HYAL4: variants seen among roughly 807,000 people sequenced by gnomAD.
The protein encoded by HYAL4 is hyaluronidase-4.
A neutral mutation model predicts 35.2 loss-of-function variants in HYAL4; 37 were observed. The ratio of observed to expected loss-of-function variants is 1.05; its 90% CI spans 0.81 to 1.38. The LOEUF (loss-of-function observed/expected upper bound fraction) is 1.38. HYAL4 is among the 40% of genes most tolerant of loss of function. The pLI, the probability that HYAL4 is intolerant of heterozygous loss-of-function variation, is 0.00. For synonymous variants in HYAL4, 198 were observed against 203.2 expected, an observed-to-expected ratio of 0.97 and a Z score of 0.22; for missense variants, 572 against 572.4, an observed-to-expected ratio of 1.00 and a Z score of 0.01.
At chr7:123,799,074 G>A in the HYAL4 span, among the ~76,000 whole-genome samples, 1 of 152,170 alleles carries the variant, frequency 6.6e-6, no homozygotes, top group African/African-American at 2.4e-5. Flanking sequence ...AGGGAAACTT[G>A]TAAGAGGCTA....
At chr7:123,834,206 C>T (rs1398590801) in intron 1 of HYAL4, among the ~76,000 whole-genome samples, 1 of 152,002 alleles carries the variant, frequency 6.6e-6, no homozygotes, top group Non-Finnish European at 1.5e-5. Context: ...TTGATTATAC[C>T]CATCCATGAG....
chr7:123,807,432 G>GTTTTGTTTTTTTTTT, the HYAL4 span, among the ~76,000 whole-genome samples: 1 of 120,802 alleles, frequency 8.3e-6, no homozygotes, highest in African/African-American at 3.1e-5. Flanking sequence ...ACTTTTTATG[G>GTTTTGTTTTTTTTTT]TTTTTTTTTT....
At chr7:123,764,368 A>C in the HYAL4 span, among the ~76,000 whole-genome samples, 3 of 152,202 alleles carry the variant, frequency 2.0e-5, no homozygotes, top group Non-Finnish European at 4.4e-5. Flanking sequence ...CCACATTGCA[A>C]CTTGCATCTA....
At chr7:123,787,117 A>G in the HYAL4 span, among the ~76,000 whole-genome samples, 28 of 149,912 alleles carry the variant, frequency 1.9e-4, no homozygotes, top group Admixed American at 1.9e-3. Flanking sequence ...CAAAAAAAAA[A>G]AAAAAAAAAA....
intron 1 of HYAL4, among the ~76,000 whole-genome samples, chr7:123,832,483 T>C (rs1314419558): frequency 9.4e-5 from 2 of 21,384 alleles, no homozygotes; most frequent in East Asian, 6.7e-4. Context: ...GTCATACTTT[T>C]TTTTTTTTTT....
intron 1 of HYAL4, among the ~76,000 whole-genome samples, chr7:123,835,613 A>G (rs114622393): frequency 0.012 from 1,844 of 151,810 alleles, 33 homozygotes; most frequent in African/African-American, 0.042. Context: ...CCTTTATTCT[A>G]CTGGGTGTGG....
chr7:123,837,398 T>A (rs1020767880), intron 1 of HYAL4, among the ~76,000 whole-genome samples: 5 of 151,956 alleles, frequency 3.3e-5, no homozygotes, highest in African/African-American at 1.2e-4. Flanking sequence ...AATGCCATTT[T>A]AGTCTGAGCA....
In HYAL4 at chr7:123,868,940, T is replaced by C. The variant is rs1364572544; in HGVS notation, c.667T>C (p.Cys223Arg). 1 of 1,614,070 alleles carries C rather than the reference T, an allele frequency of 6.2e-7. No homozygotes were observed. Among genetic ancestry groups the C allele is most frequent in the East Asian group, 2.2e-5 (1 of 44,884 alleles). The change falls in exon 3 of 5, where the codon TGC (cysteine) becomes CGC (arginine). Residue 223 changes from cysteine (C) to arginine (R), a missense_variant. Transcript: ENST00000223026. ...GLWGYYLYPD[C>R]HNYNVYAPNY... The stretch of plus-strand genomic sequence containing the variant: ...TTGGGGTTATTATTTATATCCTGAT[T>C]GCCACAATTATAACGTTTATGCCCC...
chr7:123,823,493 C>T, the HYAL4 span, among the ~76,000 whole-genome samples: 1 of 151,840 alleles, frequency 6.6e-6, no homozygotes, highest in African/African-American at 2.4e-5. Context: ...GTTTCCTTTG[C>T]TTCAATATTT....
chr7:123,815,690 C>A, the HYAL4 span, among the ~76,000 whole-genome samples: 17,227 of 152,202 alleles, frequency 0.11, 1,107 homozygotes, highest in Non-Finnish European at 0.14. Context: ...CAAACTTTAA[C>A]TAGATTGTCA....
the HYAL4 span, among the ~76,000 whole-genome samples, chr7:123,807,914 A>AATTATTATTATTATT: frequency 0.014 from 1,960 of 136,534 alleles, 40 homozygotes; most frequent in African/African-American, 0.034. Flanking sequence ...TTAGCTGGAT[A>AATTATTATTATTATT]ATTATTATTA....
Position 123,868,443 on chromosome 7 carries a change from A to T in HYAL4, c.170A>T (p.Asp57Val), listed in dbSNP as rs1806755922. 1.2e-6 allele frequency: 2 copies of T among 1,610,020 alleles called. No homozygotes were observed. The highest frequency in any genetic ancestry group is 1.7e-5 in the Admixed American group (1 of 58,956). Residue 57 changes from aspartate (D) to valine (V), a missense_variant, in exon 3 of 5, where the codon GAT becomes GTT. Asp to Val is a radical substitution (Grantham distance 152). Transcript: ENST00000223026. ...ATAGCTGCTTGGAATGCTCCAACAG[A>T]TCAGTGTTTGATAAAATATAATTTA... ...PFIAAWNAPTDQCLIKYNLRL... is the reference protein window; with the variant it reads ...PFIAAWNAPTVQCLIKYNLRL...
At chr7:123,859,339 T>C (rs2116942442) in intron 2 of HYAL4, among the ~76,000 whole-genome samples, 1 of 152,318 alleles carries the variant, frequency 6.6e-6, no homozygotes, top group East Asian at 1.9e-4. Context: ...TTTCCACTAG[T>C]ATTAAATAAT....
chr7:123,813,189 T>C, the HYAL4 span, among the ~76,000 whole-genome samples: 1 of 152,160 alleles, frequency 6.6e-6, no homozygotes, highest in Non-Finnish European at 1.5e-5. Flanking sequence ...AGTTTAATTA[T>C]ATCAGAGAAA....
the HYAL4 span, among the ~76,000 whole-genome samples, chr7:123,818,868 C>T: frequency 6.6e-6 from 1 of 152,118 alleles, no homozygotes; most frequent in South Asian, 2.1e-4. Flanking sequence ...TTTTGAGGTA[C>T]ATATACATTG....
chr7:123,827,925 T>G (rs1805823872), upstream of HYAL4, among the ~76,000 whole-genome samples: 1 of 152,220 alleles, frequency 6.6e-6, no homozygotes, highest in Admixed American at 6.5e-5. Flanking sequence ...CTAGAATTTT[T>G]CCATGGTCCT....
At chr7:123,817,371 A>G in the HYAL4 span, among the ~76,000 whole-genome samples, 2 of 151,982 alleles carry the variant, frequency 1.3e-5, no homozygotes, top group Non-Finnish European at 2.9e-5. Context: ...ATAACTCTTC[A>G]ATCTATTCCC....
intron 1 of HYAL4, chr7:123,829,392 C>A (rs1033588096): frequency 6.6e-6 from 1 of 152,040 alleles, no homozygotes; most frequent in Non-Finnish European, 1.5e-5. Context: ...CCAATTTTTT[C>A]TTGAAATACC....
chr7:123,859,289 T>G (rs1056156049), intron 2 of HYAL4, among the ~76,000 whole-genome samples: 2 of 152,214 alleles, frequency 1.3e-5, no homozygotes, highest in Non-Finnish European at 2.9e-5. Flanking sequence ...AGTTTTGCCT[T>G]GTTTACAATC....
Sources: gnomAD v4.1 joint callset for allele counts (sites outside exome capture counted in the v4.1 genomes callset) on GRCh38, gnomAD v4.1.1 for gene constraint, MANE v1.5 for transcripts, NCBI Gene and HGNC (gene_info 2026-07-23, HGNC 2026-07-21) for gene names.